COL19A1: variants seen among roughly 807,000 people sequenced by gnomAD.
COL19A1 encodes collagen alpha-1(XIX) chain.
COL19A1 carries 159 observed loss-of-function variants against 190.2 expected under a neutral mutation model. The ratio of observed to expected loss-of-function variants is 0.84; its 90% CI spans 0.73 to 0.95. The LOEUF is 0.95. Ranked by LOEUF, COL19A1 falls within the 40% of genes least tolerant of loss-of-function variation. The pLI, the probability that COL19A1 is intolerant of heterozygous loss-of-function variation, is 0.00. For missense variants in COL19A1, 1,418 were observed against 1,431.9 expected, an observed-to-expected ratio of 0.99 and a Z score of 0.16; for synonymous variants, 509 against 458.9, an observed-to-expected ratio of 1.11 and a Z score of -1.39.
chr6:69,995,522 A>AT (rs111245935), intron 11 of COL19A1, among the ~76,000 whole-genome samples: 5,102 of 145,948 alleles, frequency 0.035, 126 homozygotes, highest in African/African-American at 0.071. Context: ...AAACCGTGTG[A>AT]TTTTTTTTTT....
At chr6:70,102,668 G>A (rs1381433705) in intron 16 of COL19A1, among the ~76,000 whole-genome samples, 1 of 152,102 alleles carries the variant, frequency 6.6e-6, no homozygotes, top group Non-Finnish European at 1.5e-5. Flanking sequence ...TTGGTAAAAA[G>A]TGCTATAAAG....
At chr6:70,021,019 C>A (rs1402531773) in intron 11 of COL19A1, among the ~76,000 whole-genome samples, 1 of 152,022 alleles carries the variant, frequency 6.6e-6, no homozygotes, top group African/African-American at 2.4e-5. Flanking sequence ...TTATGGAAAT[C>A]CAGATACATT....
chr6:69,965,750 G>A (rs1240698502), intron 11 of COL19A1, among the ~76,000 whole-genome samples: 2 of 152,170 alleles, frequency 1.3e-5, no homozygotes, highest in South Asian at 2.1e-4. Flanking sequence ...TTACCATGCT[G>A]TGGTTTATCA....
At chr6:69,866,904 A>G (rs567166066) in intron 1 of COL19A1, among the ~76,000 whole-genome samples, 2 of 152,156 alleles carry the variant, frequency 1.3e-5, no homozygotes, top group East Asian at 1.9e-4. Context: ...TCGTGTTCCT[A>G]TGTTCACATG....
intron 16 of COL19A1, among the ~76,000 whole-genome samples, chr6:70,109,541 AGTGTGT>A (rs60219800): frequency 0.092 from 13,149 of 143,544 alleles, 799 homozygotes; most frequent in East Asian, 0.29. Context: ...CCGTTTTGTA[AGTGTGT>A]GTGTGTGTGT....
chr6:70,058,409 T>G (rs1780633369), intron 14 of COL19A1, among the ~76,000 whole-genome samples: 1 of 152,068 alleles, frequency 6.6e-6, no homozygotes, highest in Non-Finnish European at 1.5e-5. Flanking sequence ...TGAATCATTC[T>G]TGTCCACCCT....
In COL19A1 at chr6:70,005,707, G is replaced by A. The variant is rs1777578251; in HGVS notation, c.1027-17920G>A. Among the ~76,000 whole-genome samples, 4 of 152,132 alleles carry A rather than the reference G, an allele frequency of 2.6e-5. No homozygotes were observed. In the South Asian group the frequency reaches 8.3e-4, roughly 31 times the overall value. ...GGTGGAGGGGGTGTGCTTTGCTAGG[G>A]GGAAACCCACTTGTCTGGGCTGCCC... On this transcript the variant is annotated intron_variant, in intron 11 of 50. Transcript: ENST00000620364.
chr6:70,097,537 G>C (rs1019390307), intron 15 of COL19A1, among the ~76,000 whole-genome samples: 1 of 151,906 alleles, frequency 6.6e-6, no homozygotes, highest in East Asian at 1.9e-4. Flanking sequence ...AAAATTCTGC[G>C]AGTGAGGCTC....
chr6:70,098,626 G>A (rs1482103847), intron 15 of COL19A1: 6 of 381,712 alleles, frequency 1.6e-5, no homozygotes, highest in African/African-American at 8.4e-5. Context: ...CACAGTGGTG[G>A]CACAATGTGT....
intron 46 of COL19A1, among the ~76,000 whole-genome samples, chr6:70,187,872 C>T (rs1766623538): frequency 6.6e-6 from 1 of 152,018 alleles, no homozygotes; most frequent in Non-Finnish European, 1.5e-5. Flanking sequence ...TGGGTTAATT[C>T]ATTTAGTTCT....
At chr6:70,123,292 A>G (rs2150213926) in intron 17 of COL19A1, among the ~76,000 whole-genome samples, 1 of 152,230 alleles carries the variant, frequency 6.6e-6, no homozygotes, top group South Asian at 2.1e-4. Flanking sequence ...GGCAATCATT[A>G]AAAAGTCAGG....
At chr6:70,098,018 A>G (rs1783389800) in intron 15 of COL19A1, among the ~76,000 whole-genome samples, 1 of 152,160 alleles carries the variant, frequency 6.6e-6, no homozygotes, top group Non-Finnish European at 1.5e-5. Context: ...TGAATGGACC[A>G]AAACAGCCAG....
At chr6:70,145,815 G>A (rs987466082) in intron 25 of COL19A1, among the ~76,000 whole-genome samples, 9 of 146,734 alleles carry the variant, frequency 6.1e-5, no homozygotes, top group Admixed American at 5.6e-4. Context: ...CCACCTCCGG[G>A]ATTCAAGTGA....
rs763613728 is a variant in COL19A1, at chr6:70,141,925, A to C, written c.1515A>C (p.Val505=). 6.2e-7 allele frequency: 1 copy of C among 1,604,904 alleles called. No individual in the cohort carries two copies. The highest frequency in any genetic ancestry group is 8.5e-7 in the Non-Finnish European group (1 of 1,171,970). The change falls in exon 21 of 51, where the codon GTA becomes GTC. Residue 505 remains valine, a synonymous_variant. Transcript: ENST00000620364. ...CTGGGGTAATAGGATCACAGGGAGT[A>C]AAGGTAATTTCCTGGCATTCTTCAA... is the stretch of plus-strand genomic sequence containing the variant. ...GEPGVIGSQG[V]KGEPGDPGPP... is the part of the protein sequence containing the mutation.
chr6:69,963,923 A>ATCCT, intron 11 of COL19A1, among the ~76,000 whole-genome samples: 1 of 152,226 alleles, frequency 6.6e-6, no homozygotes, highest in Admixed American at 6.5e-5. Flanking sequence ...GGTCATCCAA[A>ATCCT]ATTTTCCTTC....
intron 16 of COL19A1, among the ~76,000 whole-genome samples, chr6:70,110,511 T>G (rs1784225567): frequency 1.3e-5 from 2 of 152,172 alleles, no homozygotes; most frequent in African/African-American, 2.4e-5. Context: ...CATGGCTAGT[T>G]AATCATGTTT....
intron 4 of COL19A1, among the ~76,000 whole-genome samples, chr6:69,921,463 T>TC (rs1771879743): frequency 7.7e-6 from 1 of 129,956 alleles, no homozygotes; most frequent in African/African-American, 3.0e-5. Flanking sequence ...ATATATATCA[T>TC]ATATATTCAT....
At position 70,171,931 on chromosome 6, in the gene COL19A1, T is replaced by C. The variant is rs775698054; in HGVS notation, c.2569-33T>C. ...CAATGCTTAAAAACATTTTGATTAT[T>C]GCTCCTGCATTTCTTATGTTCATAT... On this transcript the variant is annotated intron_variant, in intron 40 of 50. Transcript: ENST00000620364. 10 of 1,606,524 alleles carry C rather than the reference T, an allele frequency of 6.2e-6. No homozygotes were observed. The Admixed American group carries it at 1.5e-4, about 24-fold the overall frequency.
At chr6:70,145,132 T>A in intron 25 of COL19A1, 125 bp downstream of exon 25, 1 of 728,248 alleles carries the variant, frequency 1.4e-6, no homozygotes, top group Non-Finnish European at 2.3e-6. Flanking sequence ...AAAAAGAACT[T>A]AAAACAGAAC....
Sources: gnomAD v4.1 joint callset for allele counts (sites outside exome capture counted in the v4.1 genomes callset) on GRCh38, gnomAD v4.1.1 for gene constraint, MANE v1.5 for transcripts, NCBI Gene and HGNC (gene_info 2026-07-23, HGNC 2026-07-21) for gene names.